SLC35E2B: variants seen among roughly 807,000 people sequenced by gnomAD.
SLC35E2B encodes the protein solute carrier family 35 member E2B.
SLC35E2B carries 18 observed loss-of-function variants against 32.4 expected under a neutral mutation model. That is an observed-to-expected ratio of 0.56 (90% CI 0.38 to 0.82). SLC35E2B has a LOEUF of 0.82. SLC35E2B is among the 40% of genes least tolerant of loss of function. The probability of loss-of-function intolerance (pLI) is 0.00; values close to 1 mark genes in which losing one functional copy is unlikely to be tolerated. For missense variants in SLC35E2B, 263 were observed against 469.5 expected, an observed-to-expected ratio of 0.56 and a Z score of 4.06; for synonymous variants, 132 against 209.1, an observed-to-expected ratio of 0.63 and a Z score of 3.18.
In SLC35E2B at chr1:1,662,359, A is replaced by G. The variant is rs1421314083; in HGVS notation, c.*3423T>C. 2.3e-6 allele frequency: 2 copies of G among 877,476 alleles called. No homozygotes were observed. The highest frequency in any genetic ancestry group is 2.7e-6 in the Non-Finnish European group (2 of 741,636). The allele number at this position is 877,476 out of a possible 1,614,324, so 54.4% of individuals were successfully genotyped here. ...AATACTTCCAGGCCTTCGAAAGGCC[A>G]TCCTTTGGACACATGTAAAAAGCTG... is the stretch of plus-strand genomic sequence containing the variant. On this transcript the variant is annotated 3_prime_UTR_variant, in exon 10 of 10. Transcript: ENST00000617444.
chr1:1,668,827 C>A (rs1362335954), intron 8 of SLC35E2B, among the ~76,000 whole-genome samples: 1 of 151,948 alleles, frequency 6.6e-6, no homozygotes, highest in Middle Eastern at 3.2e-3. Context: ...CTCGTCTCTG[C>A]TAAAAACATA....
At chr1:1,690,380 G>A (rs891921050) in intron 2 of SLC35E2B, among the ~76,000 whole-genome samples, 8 of 149,298 alleles carry the variant, frequency 5.4e-5, no homozygotes, top group Non-Finnish European at 8.9e-5. Context: ...TTGCAACATG[G>A]CAAAGGATTA....
chr1:1,675,681 T>C, intron 4 of SLC35E2B, 91 bp from the exon 5 acceptor site: 1 of 1,204,192 alleles, frequency 8.3e-7, no homozygotes, highest in Non-Finnish European at 1.1e-6. Flanking sequence ...GCTCGCTCGG[T>C]TGGCACGTCG....
intron 6 of SLC35E2B, chr1:1,671,002 A>C (rs916005223): frequency 6.6e-6 from 1 of 152,158 alleles, no homozygotes; most frequent in African/African-American, 2.4e-5. Context: ...AGTGACAAAG[A>C]CGTAAATAAC....
Position 1,665,741 on chromosome 1 carries a change from G to T in SLC35E2B, c.*41C>A. The T allele has an allele frequency of 6.5e-7, 1 of 1,542,078 alleles. No homozygotes were observed. Among genetic ancestry groups the T allele is most frequent in the Non-Finnish European group, 8.8e-7 (1 of 1,140,856 alleles). On this transcript the variant is annotated 3_prime_UTR_variant, in exon 10 of 10. Coordinates refer to ENST00000617444, the MANE Select transcript of SLC35E2B (RefSeq NM_001290264.2). ...GCGTCCCTGCCCATTTCTGGGGGAT[G>T]CAGTGTCACGAGGACAGCAGCAGCT...
chr1:1,689,798 C>T (rs1342479028), intron 2 of SLC35E2B, among the ~76,000 whole-genome samples: 1 of 150,948 alleles, frequency 6.6e-6, no homozygotes, highest in Non-Finnish European at 1.5e-5. Flanking sequence ...ACCAGCCTGA[C>T]CAACATGGTG....
intron 2 of SLC35E2B, among the ~76,000 whole-genome samples, chr1:1,683,458 A>G (rs1335390596): frequency 1.3e-5 from 2 of 152,300 alleles, no homozygotes; most frequent in East Asian, 1.9e-4. Flanking sequence ...AAAACAGAGG[A>G]GCAGCCGGCC....
At chr1:1,683,824 G>A (rs889607462) in intron 2 of SLC35E2B, among the ~76,000 whole-genome samples, 1 of 152,110 alleles carries the variant, frequency 6.6e-6, no homozygotes, top group East Asian at 1.9e-4. Flanking sequence ...CCAAGGCTTC[G>A]AGGAGCTTCT....
In SLC35E2B at chr1:1,692,490, C is replaced by G. The variant is rs1644026904; in HGVS notation, c.-607G>C. ...TCTCCGCCGCAGGCATAGCGCTAGG[C>G]CCCGGCGCCTTCACAACAAAGGGAC... On this transcript the variant is annotated 5_prime_UTR_variant, in exon 1 of 10. Transcript: ENST00000617444. The G allele has an allele frequency of 3.0e-6, 3 of 985,618 alleles. No individual in the cohort carries two copies. The highest frequency in any genetic ancestry group is 3.6e-6 in the Non-Finnish European group (3 of 830,312). 61.1% of individuals were successfully genotyped at this position (985,618 alleles called of 1,614,324 possible). A position where few individuals can be genotyped will look rare whatever the true frequency, so the allele number is the denominator to read the frequency against.
chr1:1,675,091 A>T (rs374946663), intron 5 of SLC35E2B, among the ~76,000 whole-genome samples: 2 of 150,462 alleles, frequency 1.3e-5, no homozygotes, highest in Non-Finnish European at 3.0e-5. Context: ...ACGGACCAGG[A>T]GCCACGGCCG....
rs377619547 is a variant in SLC35E2B, at chr1:1,663,621, C to A, written c.*2161G>T. The A allele has an allele frequency of 4.1e-6, 1 of 242,458 alleles. No individual in the cohort carries two copies. The highest frequency in any genetic ancestry group is 1.8e-4 in the East Asian group (1 of 5,654). 15.0% of individuals were successfully genotyped at this position (242,458 alleles called of 1,614,324 possible). On this transcript the variant is annotated 3_prime_UTR_variant, in exon 10 of 10. Transcript: ENST00000617444. ...GAGTATCTGGGATTACAGGCACCCA[C>A]CATCGCACCCAGCTAATTTTTGTAT...
At chr1:1,666,908 C>T (rs1233506597) in intron 9 of SLC35E2B, among the ~76,000 whole-genome samples, 1 of 151,608 alleles carries the variant, frequency 6.6e-6, no homozygotes, top group East Asian at 2.0e-4. Flanking sequence ...GAGTTTGAGA[C>T]CAGCCTGGCC....
rs1334829840 is a variant in SLC35E2B at position 1,664,859 on chromosome 1, AG to A, written c.*922del. 18 of 915,550 alleles carry A rather than the reference AG, an allele frequency of 2.0e-5. 1 individual carries two copies. The highest frequency in any genetic ancestry group is 5.5e-4 in the Middle Eastern group (1 of 1,810). The allele number at this position is 915,550 out of a possible 1,614,324, so 56.7% of individuals were successfully genotyped here. ...AACCGGACAGGTGCTAGATGATGATAGGAACAGTGGGCTCTGAGGGAGGACA... is the reference window on the plus strand; with the variant it reads ...AACCGGACAGGTGCTAGATGATGATAGAACAGTGGGCTCTGAGGGAGGACA... On this transcript the variant is annotated 3_prime_UTR_variant, in exon 10 of 10. Transcript: ENST00000617444.
intron 2 of SLC35E2B, among the ~76,000 whole-genome samples, chr1:1,682,873 T>C (rs1244517446): frequency 2.6e-5 from 4 of 151,944 alleles, no homozygotes; most frequent in Admixed American, 2.6e-4. Context: ...GGTCAGGAGT[T>C]CGAGACCAAT....
intron 2 of SLC35E2B, among the ~76,000 whole-genome samples, chr1:1,678,185 C>T (rs531882367): frequency 7.2e-5 from 11 of 152,264 alleles, no homozygotes; most frequent in South Asian, 4.1e-4. Flanking sequence ...CCACCTCATT[C>T]GTGACCTCCT....
At chr1:1,689,558 A>G (rs1422690392) in intron 2 of SLC35E2B, among the ~76,000 whole-genome samples, 2 of 151,662 alleles carry the variant, frequency 1.3e-5, no homozygotes, top group South Asian at 4.2e-4. Flanking sequence ...TCAGGAAAAT[A>G]TAAGAGAATG....
chr1:1,678,282 T>A (rs2101107687), intron 2 of SLC35E2B, among the ~76,000 whole-genome samples: 1 of 151,440 alleles, frequency 6.6e-6, no homozygotes, highest in South Asian at 2.1e-4. Context: ...CGCCACCCCC[T>A]CCCCCATGAA....
chr1:1,679,451 C>T (rs1433262018), intron 2 of SLC35E2B, among the ~76,000 whole-genome samples: 1 of 152,096 alleles, frequency 6.6e-6, no homozygotes, highest in African/African-American at 2.4e-5. Flanking sequence ...CAGTCCCCAC[C>T]CTAATGTTTG....
chr1:1,687,538 C>T (rs1215475676), intron 2 of SLC35E2B, among the ~76,000 whole-genome samples: 1 of 152,060 alleles, frequency 6.6e-6, no homozygotes, highest in Non-Finnish European at 1.5e-5. Flanking sequence ...AGGAGACCAG[C>T]CTGGCCAACA....
Sources: allele counts gnomAD v4.1 joint callset (sites outside exome capture counted in the v4.1 genomes callset), GRCh38; gene constraint gnomAD v4.1.1; transcripts MANE v1.5; gene names NCBI Gene and HGNC (gene_info 2026-07-23, HGNC 2026-07-21).